TBL3: variants seen among roughly 807,000 people sequenced by gnomAD.
TBL3 encodes the protein transducin beta like 3, also known as transducin beta-like protein 3.
TBL3 carries 71 observed loss-of-function variants against 102.7 expected under a neutral mutation model. That is an observed-to-expected ratio of 0.69 (90% CI 0.57 to 0.84). The LOEUF (loss-of-function observed/expected upper bound fraction) is 0.84. TBL3 is among the 40% of genes least tolerant of loss of function. The pLI, the probability that TBL3 is intolerant of heterozygous loss-of-function variation, is 0.00. For synonymous variants in TBL3, 578 were observed against 477.7 expected (o/e 1.21, Z -2.74); for missense variants, 1,188 against 1,098.5 (o/e 1.08, Z -1.15).
intron 1 of TBL3, among the ~76,000 whole-genome samples, 175 bp downstream of exon 1, chr16:1,972,380 C>A (rs1287650802): frequency 6.6e-6 from 1 of 152,214 alleles, no homozygotes; most frequent in Non-Finnish European, 1.5e-5. Flanking sequence ...CCGGCCCCGG[C>A]TGCTCTCGGG....
rs751208468 is a variant in TBL3, at chr16:1,975,895, C to G, written c.1075C>G (p.Leu359Val). ...TGTCGTGGCCTCCAATAGCCCCTGC[C>G]TAAAAGTGTTTGAGCTGCAGACGTC... Reference protein sequence around the residue: ...HVVVASNSPCLKVFELQTSAC... With the variant: ...HVVVASNSPCVKVFELQTSAC... Residue 359 changes from leucine to valine, a missense_variant, in exon 11 of 22, where the codon CTA (leucine) becomes GTA (valine). Coordinates refer to ENST00000568546, the MANE Select transcript of TBL3 (RefSeq NM_006453.3). 1 of 1,614,138 alleles carries G rather than the reference C, an allele frequency of 6.2e-7. No homozygotes were observed. Among genetic ancestry groups the G allele is most frequent in the South Asian group, 1.1e-5 (1 of 91,092 alleles).
chr16:1,978,029 A>T lies in TBL3; in HGVS notation c.2030A>T (p.Asp677Val). ...LRALGLAISL[D>V]RPHTVLTVIQ... ...GCGCTGGGCCTGGCCATCTCCCTGG[A>T]TCGGCCCCACACCGTGCTGACTGTC... is the stretch of plus-strand genomic sequence containing the variant. The change falls in exon 19 of 22, where the codon GAT becomes GTT. Residue 677 changes from aspartate (D) to valine (V), a missense_variant. Asp to Val is a radical substitution (Grantham distance 152, BLOSUM62 -3). Transcript: ENST00000568546. 1 of 1,607,698 alleles carries T rather than the reference A, an allele frequency of 6.2e-7. No homozygotes were observed. The highest frequency in any genetic ancestry group is 8.5e-7 in the Non-Finnish European group (1 of 1,176,988).
chr16:1,977,835 A>T (rs1307901346), intron 18 of TBL3, 35 bp downstream of exon 18: 1 of 1,565,134 alleles, frequency 6.4e-7, no homozygotes, highest in Admixed American at 1.9e-5. Flanking sequence ...TCCCCGCATC[A>T]GCCCTGCTCT....
Position 1,975,642 on chromosome 16 carries a change from G to A in TBL3, c.919G>A (p.Val307Ile). 2 of 1,605,690 alleles carry A rather than the reference G, an allele frequency of 1.2e-6. No homozygotes were observed. Among genetic ancestry groups the A allele is most frequent in the Non-Finnish European group, 1.7e-6 (2 of 1,179,880 alleles). ...HCTLAHTAGV[V>I]LTATADHNLL... ...CACCCTGGCACACACCGCCGGCGTG[G>A]TCCTCACCGCCACCGCCGACCACAA... Residue 307 changes from valine to isoleucine, a missense_variant, in exon 10 of 22, where the codon GTC becomes ATC. By Grantham distance (29) the Val-to-Ile change is conservative. Coordinates refer to ENST00000568546, the MANE Select transcript of TBL3 (RefSeq NM_006453.3).
At position 1,980,016 on chromosome 16, in the gene TBL3, C is replaced by T; in HGVS notation, c.*1331C>T. On this transcript the variant is annotated 3_prime_UTR_variant, in exon 22 of 22. Coordinates refer to ENST00000568546, the MANE Select transcript of TBL3 (RefSeq NM_006453.3). Reference sequence around the variant, plus strand: ...CCCTACCTGAGGGGTGCCGCAGCAGCACGTCCAGGCTCTCCTGGGCCTGCG... The same window carrying T: ...CCCTACCTGAGGGGTGCCGCAGCAGTACGTCCAGGCTCTCCTGGGCCTGCG... 1 of 1,605,544 alleles carries T rather than the reference C, an allele frequency of 6.2e-7. No individual in the cohort carries two copies. The highest frequency in any genetic ancestry group is 2.2e-5 in the East Asian group (1 of 44,626).
At chr16:1,975,761 C>G in intron 10 of TBL3, 47 bp from the exon 11 acceptor site, 1 of 1,613,788 alleles carries the variant, frequency 6.2e-7, no homozygotes, top group East Asian at 2.2e-5. Flanking sequence ...CAGCCCTCCT[C>G]TTACACAGGT....
chr16:1,978,309 A>G lies in TBL3; in HGVS notation c.2135-4A>G, dbSNP rs1297702915. ...CAAGACGATGAGGGTCCTGTTGCCC[A>G]CAGAGGCCCTGCTGCGCTTCTGCGT... On this transcript the variant is annotated splice_polypyrimidine_tract_variant and splice_region_variant and intron_variant, in intron 20 of 21. Coordinates refer to ENST00000568546, the MANE Select transcript of TBL3 (RefSeq NM_006453.3). 6.2e-7 allele frequency: 1 copy of G among 1,609,722 alleles called. No individual in the cohort carries two copies. The highest frequency in any genetic ancestry group is 8.5e-7 in the Non-Finnish European group (1 of 1,177,968).
At position 1,974,823 on chromosome 16, in the gene TBL3, T is replaced by TC. The variant is rs750444031; in HGVS notation, c.442dup (p.Arg148ProfsTer69). 23 of 1,613,180 alleles carry TC rather than the reference T, an allele frequency of 1.4e-5. No homozygotes were observed. Among genetic ancestry groups the TC allele is most frequent in the Non-Finnish European group, 1.7e-5 (20 of 1,179,972 alleles). ...GTGCGGCACTACGGGACACACCACT[T>TC]CCGAGGCTCGCCCGGTGTCGTGCAG... On this transcript the variant is annotated frameshift_variant, in exon 6 of 22. Transcript: ENST00000568546. LOFTEE classifies it high-confidence loss of function.
rs574487347 is a variant in TBL3 at position 1,977,614 on chromosome 16, C to T, written c.1843C>T (p.Arg615Trp). The T allele has an allele frequency of 2.3e-4, 361 of 1,558,422 alleles. 4 individuals are homozygous for T. The South Asian group carries it at 3.7e-3, about 16-fold the overall frequency. ...CAAGGTCTGGGGGCTGCACTGCAGCCGGCTGGACGACCACGCCCTCACTGG... is the reference window on the plus strand; with the variant it reads ...CAAGGTCTGGGGGCTGCACTGCAGCTGGCTGGACGACCACGCCCTCACTGG... ...EDKVWGLHCS[R>W]LDDHALTGAS... Residue 615 changes from arginine to tryptophan, a missense_variant, in exon 17 of 22, where the codon CGG becomes TGG. By Grantham distance (101) the Arg-to-Trp change is moderately radical. Coordinates refer to ENST00000568546, the MANE Select transcript of TBL3 (RefSeq NM_006453.3).
rs772344048 is a variant in TBL3, at chr16:1,978,636, C to A, written c.2378C>A (p.Pro793Gln). ...FLWHNMKLPV[P>Q]AAAPTPWETH... is the part of the protein sequence containing the mutation. ...TGGCACAACATGAAGCTCCCTGTGC[C>A]GGCCGCCGCCCCCACCCCCTGGGAA... is the stretch of plus-strand genomic sequence containing the variant. Residue 793 changes from proline to glutamine, a missense_variant, in exon 22 of 22, where the codon CCG becomes CAG. Transcript: ENST00000568546. The A allele has an allele frequency of 1.9e-6, 3 of 1,612,534 alleles. No homozygotes were observed.
chr16:1,975,383 G>A lies in TBL3; in HGVS notation c.750G>A (p.Val250=), dbSNP rs1388356559. ...CTGTGCTGTTGCCAGAGGAGCCAGT[G>A]TCCCAGCTGGGTGTGAAGTCCCCAG... is the stretch of plus-strand genomic sequence containing the variant. ...EAAVLLPEEP[V]SQLGVKSPGL... The change falls in exon 9 of 22, where the codon GTG becomes GTA. Residue 250 remains valine, a synonymous_variant. Transcript: ENST00000568546. 3.1e-6 allele frequency: 5 copies of A among 1,614,024 alleles called. No homozygotes were observed. Among genetic ancestry groups the A allele is most frequent in the Non-Finnish European group, 3.4e-6 (4 of 1,180,018 alleles).
rs1294044545 is a variant in TBL3, at chr16:1,975,054, C to T, written c.591C>T (p.Ala197=). 6.8e-6 allele frequency: 11 copies of T among 1,608,144 alleles called. No individual in the cohort carries two copies. Among genetic ancestry groups the T allele is most frequent in the African/African-American group, 2.7e-5 (2 of 74,938 alleles). Reference sequence around the variant, plus strand: ...CTGTGCTGACTGCCCACTACAGCGCCGTCACCTCACTGGCCTTCAGCGCCG... The same window carrying T: ...CTGTGCTGACTGCCCACTACAGCGCTGTCACCTCACTGGCCTTCAGCGCCG... ...CLAVLTAHYS[A]VTSLAFSADG... is the part of the protein sequence containing the mutation. The change falls in exon 7 of 22, where the codon GCC becomes GCT. Residue 197 remains alanine, a synonymous_variant. Transcript: ENST00000568546.
Position 1,979,202 on chromosome 16 carries a change from A to C in TBL3, c.*517A>C. The stretch of plus-strand genomic sequence containing the variant: ...AAGGTCGGGTGGGCACGGTGGGGGG[A>C]GGGGCGGTGGCCTGGGAGGGTTCAG... On this transcript the variant is annotated 3_prime_UTR_variant, in exon 22 of 22. Transcript: ENST00000568546. 7.8e-7 allele frequency: 1 copy of C among 1,275,672 alleles called. No individual in the cohort carries two copies. Among genetic ancestry groups the C allele is most frequent in the Non-Finnish European group, 1.0e-6 (1 of 956,518 alleles). The allele number at this position is 1,275,672 out of a possible 1,614,324, so 79.0% of individuals were successfully genotyped here.
Position 1,975,174 on chromosome 16 carries a change from G to T in TBL3, c.636-13G>T. 6.2e-7 allele frequency: 1 copy of T among 1,613,740 alleles called. No homozygotes were observed. The highest frequency in any genetic ancestry group is 1.1e-5 in the South Asian group (1 of 91,084). ...GGCTAAGACTTGACCTGAGGTTGCCGTTGCTCCTTCAGCTCCGGCCGTGAC... is the reference window on the plus strand; with the variant it reads ...GGCTAAGACTTGACCTGAGGTTGCCTTTGCTCCTTCAGCTCCGGCCGTGAC... On this transcript the variant is annotated splice_polypyrimidine_tract_variant and intron_variant, in intron 7 of 21. Transcript: ENST00000568546.
intron 18 of TBL3, 64 bp downstream of exon 18, chr16:1,977,864 GGCTGAGTGCCAGGCTCCCTGCCT>G: frequency 6.3e-7 from 1 of 1,590,142 alleles, no homozygotes; most frequent in Non-Finnish European, 8.6e-7. Context: ...GGGAAAACGA[GGCTGAGTGCCAGGCTCCCTGCCT>G]GCTGACTCCG....
At position 1,980,323 on chromosome 16, in the gene TBL3, T is replaced by A; in HGVS notation, c.*1638T>A. ...CCCCCCACCCTGGACCTCTCCCAGC[T>A]CCAAACGCCGCTGCATGCTGGGAGT... On this transcript the variant is annotated 3_prime_UTR_variant, in exon 22 of 22. Transcript: ENST00000568546. The A allele has an allele frequency of 6.3e-7, 1 of 1,576,356 alleles. No individual in the cohort carries two copies. Among genetic ancestry groups the A allele is most frequent in the East Asian group, 2.2e-5 (1 of 44,540 alleles).
rs895462326 is a variant in TBL3 at position 1,980,878 on chromosome 16, T to C, written c.*2193T>C. The C allele has an allele frequency of 2.1e-5, 31 of 1,484,924 alleles. No individual in the cohort carries two copies. In the African/African-American group the frequency reaches 4.4e-4, roughly 21 times the overall value. 92.0% of individuals were successfully genotyped at this position (1,484,924 alleles called of 1,614,324 possible). A position where few individuals can be genotyped will look rare whatever the true frequency, so the allele number is the denominator to read the frequency against. ...GAGTCACTGATGGGAGGCAGTCCAG[T>C]GGGAGGCAGCCGCGTGGGGAAGCCG... On this transcript the variant is annotated 3_prime_UTR_variant, in exon 22 of 22. Transcript: ENST00000568546.
intron 8 of TBL3, 29 bp from the exon 9 acceptor site, chr16:1,975,316 T>C (rs998252565): frequency 1.2e-6 from 2 of 1,613,942 alleles, no homozygotes; most frequent in Non-Finnish European, 1.7e-6. Flanking sequence ...GGGGGCATGA[T>C]AGCAGCCTGT....
Position 1,975,265 on chromosome 16 carries a change from G to A in TBL3, c.711+3G>A, listed in dbSNP as rs888297784. 9 of 1,613,878 alleles carry A rather than the reference G, an allele frequency of 5.6e-6. No individual in the cohort carries two copies. Among genetic ancestry groups the A allele is most frequent in the Non-Finnish European group, 7.6e-6 (9 of 1,180,042 alleles). ...CGAGGACCGTGCCTGTGTTTGAGGTGGGGATGCCTGGAGGCCAGGGCTGGT... is the reference window on the plus strand; with the variant it reads ...CGAGGACCGTGCCTGTGTTTGAGGTAGGGATGCCTGGAGGCCAGGGCTGGT... On this transcript the variant is annotated splice_donor_region_variant and intron_variant, in intron 8 of 21. Transcript: ENST00000568546.
Sources: gnomAD v4.1 joint callset for allele counts (sites outside exome capture counted in the v4.1 genomes callset) on GRCh38, gnomAD v4.1.1 for gene constraint, MANE v1.5 for transcripts, NCBI Gene and HGNC (gene_info 2026-07-23, HGNC 2026-07-21) for gene names.